XPNPEP2: variants seen among roughly 807,000 people sequenced by gnomAD.
XPNPEP2 encodes X-prolyl aminopeptidase 2.
In XPNPEP2, 64 loss-of-function variants were observed where a neutral mutation model predicts 59.8. The ratio of observed to expected loss-of-function variants is 1.07; its 90% CI spans 0.87 to 1.32. The LOEUF (loss-of-function observed/expected upper bound fraction) is 1.32. XPNPEP2 is among the 40% of genes most tolerant of loss of function. The pLI is 0.00. For synonymous variants in XPNPEP2, 235 were observed against 210.0 expected (o/e 1.12, Z -1.03); for missense variants, 575 against 546.8 (o/e 1.05, Z -0.51).
At position 129,768,870 on chromosome X, in the gene XPNPEP2, A is replaced by C; in HGVS notation, c.*385A>C. On this transcript the variant is annotated 3_prime_UTR_variant, in exon 21 of 21. Coordinates refer to ENST00000371106, the MANE Select transcript of XPNPEP2 (RefSeq NM_003399.6). Reference sequence around the variant, plus strand: ...CAAGAGAGCAATGCCCCTACCACCCAAGGGTGCCATGGTCCCGGGAGAGCC... The same window carrying C: ...CAAGAGAGCAATGCCCCTACCACCCCAGGGTGCCATGGTCCCGGGAGAGCC... The C allele has an allele frequency of 4.9e-5, 6 of 123,323 alleles. No individual in the cohort carries two copies. The highest frequency in any genetic ancestry group is 2.3e-4 in the East Asian group (1 of 4,268). 10.2% of individuals were successfully genotyped at this position (123,323 alleles called of 1,213,427 possible).
intron 9 of XPNPEP2, 134 bp from the exon 10 acceptor site, chrX:129,752,016 C>A: frequency 1.2e-6 from 1 of 866,842 alleles, no homozygotes; most frequent in Non-Finnish European, 1.6e-6. Context: ...CCTATTGAAT[C>A]CCAAATCTGG....
intron 14 of XPNPEP2, among the ~76,000 whole-genome samples, chrX:129,757,397 T>C (rs759365149): frequency 9.0e-6 from 1 of 110,593 alleles, no homozygotes; most frequent in East Asian, 2.9e-4. Flanking sequence ...CAGCCCCCTC[T>C]TCCCCATGGC....
At chrX:129,765,642 T>C (rs1053541427) in intron 19 of XPNPEP2, among the ~76,000 whole-genome samples, 1 of 95,875 alleles carries the variant, frequency 1.0e-5, no homozygotes, top group Non-Finnish European at 2.1e-5. Flanking sequence ...TTTCTTTTTT[T>C]TTTTTTTTTT....
At position 129,739,247 on chromosome X, in the gene XPNPEP2, C is replaced by T. The variant is rs1242582518; in HGVS notation, c.34C>T (p.Leu12=). ...ARAHWGCCPW[L]VLLCACAWGH... is the part of the protein sequence containing the mutation. ...GGCTCACTGGGGCTGCTGCCCCTGG[C>T]TGGTCCTCCTCTGTGGTATGTGCAT... The change falls in exon 1 of 21, where the codon CTG becomes TTG. Residue 12 remains leucine, a synonymous_variant. Coordinates refer to ENST00000371106, the MANE Select transcript of XPNPEP2 (RefSeq NM_003399.6). 3 of 1,207,634 alleles carry T rather than the reference C, an allele frequency of 2.5e-6. No individual in the cohort carries two copies. Among genetic ancestry groups the T allele is most frequent in the Non-Finnish European group, 3.4e-6 (3 of 894,922 alleles).
chrX:129,745,028 T>C (rs1487558433), intron 3 of XPNPEP2, among the ~76,000 whole-genome samples, 175 bp from the exon 4 acceptor site: 1 of 111,417 alleles, frequency 9.0e-6, no homozygotes, highest in Non-Finnish European at 1.9e-5. Context: ...GGGAAGATAT[T>C]GAAGGCTGGG....
chrX:129,742,197 C>G lies in XPNPEP2; in HGVS notation c.123+16C>G. 1 of 850,781 alleles carries G rather than the reference C, an allele frequency of 1.2e-6. No homozygotes were observed. Among genetic ancestry groups the G allele is most frequent in the Non-Finnish European group, 1.6e-6 (1 of 645,030 alleles). The allele number at this position is 850,781 out of a possible 1,213,427, so 70.1% of individuals were successfully genotyped here. A position where few individuals can be genotyped will look rare whatever the true frequency, so the allele number is the denominator to read the frequency against. ...CAACCCCCCTGTGAGTGCCCCCTGC[C>G]CCCCGCGCACGGCCCCCCTGGCCCC... On this transcript the variant is annotated intron_variant, in intron 2 of 20. Coordinates refer to ENST00000371106, the MANE Select transcript of XPNPEP2 (RefSeq NM_003399.6).
Position 129,753,286 on chromosome X carries a change from T to C in XPNPEP2, c.1107+38T>C, listed in dbSNP as rs1254611183. On this transcript the variant is annotated intron_variant, in intron 11 of 20. Transcript: ENST00000371106. ...TCAGGCAGACATGGCCTTTTGGGAG[T>C]ATCCAGCCTAATGAGTTAGAAAGGA... 62 of 1,141,488 alleles carry C rather than the reference T, an allele frequency of 5.4e-5. 1 individual carries two copies. In the Admixed American group the frequency reaches 1.3e-3, roughly 24 times the overall value. The allele number at this position is 1,141,488 out of a possible 1,213,427, so 94.1% of individuals were successfully genotyped here. A position where few individuals can be genotyped will look rare whatever the true frequency, so the allele number is the denominator to read the frequency against.
At chrX:129,765,905 T>C (rs2124052717) in intron 19 of XPNPEP2, among the ~76,000 whole-genome samples, 1 of 111,935 alleles carries the variant, frequency 8.9e-6, no homozygotes, top group African/African-American at 3.2e-5. Context: ...CCCAAAGTTC[T>C]GGATTACAGG....
In XPNPEP2 at chrX:129,754,587, G is replaced by A; in HGVS notation, c.1217+6G>A. ...ATCGTGGACAAGTTCCGAGGGTGAA[G>A]AGCCACGGCCGTCCTTTTTGGCTGA... On this transcript the variant is annotated splice_donor_region_variant and intron_variant, in intron 12 of 20. Coordinates refer to ENST00000371106, the MANE Select transcript of XPNPEP2 (RefSeq NM_003399.6). 3 of 1,173,765 alleles carry A rather than the reference G, an allele frequency of 2.6e-6. No individual in the cohort carries two copies. The highest frequency in any genetic ancestry group is 3.4e-6 in the Non-Finnish European group (3 of 874,902).
At chrX:129,744,172 T>A in intron 3 of XPNPEP2, 101 bp downstream of exon 3, 2 of 761,307 alleles carry the variant, frequency 2.6e-6, no homozygotes, top group Non-Finnish European at 3.9e-6. Flanking sequence ...AGAGAAAGGA[T>A]CTGATGGGCA....
chrX:129,753,550 C>T (rs1188864168), intron 11 of XPNPEP2, among the ~76,000 whole-genome samples: 1 of 110,283 alleles, frequency 9.1e-6, no homozygotes, highest in East Asian at 2.8e-4. Context: ...GGCTGAGGCA[C>T]GAGAATCGCT....
intron 1 of XPNPEP2, 32 bp from the exon 2 acceptor site, chrX:129,742,076 A>G (rs1926194637): frequency 8.3e-7 from 1 of 1,198,533 alleles, no homozygotes; most frequent in African/African-American, 1.7e-5. Flanking sequence ...GCTGGTCCCC[A>G]AATGACCCTG....
Position 129,746,249 on chromosome X carries a change from G to T in XPNPEP2, c.312G>T (p.Val104=), listed in dbSNP as rs775302431. The T allele has an allele frequency of 1.6e-5, 19 of 1,209,341 alleles. No individual in the cohort carries two copies. The South Asian group carries it at 2.6e-4, about 17-fold the overall frequency. ...GTTCTGCCCCAGGAACTGCAGTGGTGACTATGAAGAAAGCAGCTGTCTGGA... is the reference window on the plus strand; with the variant it reads ...GTTCTGCCCCAGGAACTGCAGTGGTTACTATGAAGAAAGCAGCTGTCTGGA... The part of the protein sequence containing the change: ...GFTGSAGTAV[V]TMKKAAVWTD... Residue 104 remains valine (V), a synonymous_variant, in exon 5 of 21, where the codon GTG becomes GTT. Coordinates refer to ENST00000371106, the MANE Select transcript of XPNPEP2 (RefSeq NM_003399.6).
In XPNPEP2 at chrX:129,747,734, C is replaced by T. The variant is rs1353597958; in HGVS notation, c.618C>T (p.Ala206=). Residue 206 remains alanine, a synonymous_variant, in exon 7 of 21, where the codon GCC becomes GCT. Coordinates refer to ENST00000371106, the MANE Select transcript of XPNPEP2 (RefSeq NM_003399.6). The stretch of plus-strand genomic sequence containing the variant: ...CGGTTCCAAATCAACCCATTTATGC[C>T]CTGCAGGAGGCATTCACAGGTGATT... ...RPPVPNQPIY[A]LQEAFTGSTW... 3 of 1,210,347 alleles carry T rather than the reference C, an allele frequency of 2.5e-6. No individual in the cohort carries two copies. In the Admixed American group the frequency reaches 6.5e-5, roughly 26 times the overall value.
chrX:129,761,383 A>G, intron 17 of XPNPEP2, 107 bp downstream of exon 17: 1 of 705,082 alleles, frequency 1.4e-6, no homozygotes, highest in Non-Finnish European at 2.1e-6. Context: ...CAAAGATGCC[A>G]TGATCTACCC....
chrX:129,767,748 T>C, intron 20 of XPNPEP2, 56 bp downstream of exon 20: 15 of 1,134,082 alleles, frequency 1.3e-5, no homozygotes, highest in South Asian at 3.6e-5. Flanking sequence ...CTGCCTCTGC[T>C]ACCTGCCACC....
At chrX:129,758,802 C>T (rs1926603676) in intron 14 of XPNPEP2, among the ~76,000 whole-genome samples, 1 of 111,827 alleles carries the variant, frequency 8.9e-6, no homozygotes, top group Non-Finnish European at 1.9e-5. Context: ...CTCTGGACCT[C>T]AGTTTCCCCA....
intron 12 of XPNPEP2, 40 bp downstream of exon 12, chrX:129,754,621 T>C (rs1322137414): frequency 1.8e-6 from 2 of 1,114,104 alleles, no homozygotes; most frequent in East Asian, 3.3e-5. Context: ...GACTGTCTTT[T>C]AGTGTGGCAG....
At chrX:129,763,226 A>G (rs750247845) in intron 19 of XPNPEP2, among the ~76,000 whole-genome samples, 3 of 113,064 alleles carry the variant, frequency 2.7e-5, no homozygotes, top group African/African-American at 9.6e-5. Context: ...CCTCAATATT[A>G]TGAAGATATC....
Sources: allele counts gnomAD v4.1 joint callset (sites outside exome capture counted in the v4.1 genomes callset), GRCh38; gene constraint gnomAD v4.1.1; transcripts MANE v1.5; gene names NCBI Gene and HGNC (gene_info 2026-07-23, HGNC 2026-07-21).